TDRD3: variants seen among roughly 807,000 people sequenced by gnomAD.
The protein encoded by TDRD3 is tudor domain containing 3.
Under a neutral mutation model 86.7 loss-of-function variants are expected in TDRD3, and 45 were observed. The observed-to-expected ratio is 0.52, with a 90% confidence interval of 0.41 to 0.67. The LOEUF (loss-of-function observed/expected upper bound fraction) is 0.67. TDRD3 is among the 30% of genes least tolerant of loss of function. The probability of loss-of-function intolerance (pLI) is 0.00; values close to 1 mark genes in which losing one functional copy is unlikely to be tolerated. For synonymous variants in TDRD3, 298 were observed against 301.7 expected (o/e 0.99, Z 0.13); for missense variants, 814 against 889.0 (o/e 0.92, Z 1.07).
chr13:60,400,977 A>G (rs914819160), intron 1 of TDRD3, among the ~76,000 whole-genome samples: 4 of 152,186 alleles, frequency 2.6e-5, no homozygotes, highest in African/African-American at 9.7e-5. Context: ...ACATTTAAAA[A>G]TTGAAAATTG....
Sources: gnomAD v4.1 joint callset for allele counts (sites outside exome capture counted in the v4.1 genomes callset) on GRCh38, gnomAD v4.1.1 for gene constraint, MANE v1.5 for transcripts, NCBI Gene and HGNC (gene_info 2026-07-23, HGNC 2026-07-21) for gene names.